The following TYW5 variants were observed in gnomAD, a reference collection of about 807,000 sequenced individuals.
TYW5 encodes tRNA-yW synthesizing protein 5.
In TYW5, 36 loss-of-function variants were observed where a neutral mutation model predicts 44.4. That is an observed-to-expected ratio of 0.81 (90% CI 0.62 to 1.07). The LOEUF is 1.07. Ranked by LOEUF, TYW5 falls within the 50% of genes least tolerant of loss-of-function variation. TYW5 has a pLI of 0.00. For synonymous variants in TYW5, 121 were observed against 128.1 expected (o/e 0.94, Z 0.37); for missense variants, 354 against 365.7 (o/e 0.97, Z 0.26).
intron 1 of TYW5, among the ~76,000 whole-genome samples, chr2:199,953,580 T>C (rs1347210963): frequency 1.3e-5 from 2 of 152,194 alleles, no homozygotes; most frequent in African/African-American, 4.8e-5. Flanking sequence ...TAAATTTCCA[T>C]AGGAATAGGT....
At position 199,932,729 on chromosome 2, in the gene TYW5, T is replaced by A; in HGVS notation, c.*338A>T. 1 of 220,528 alleles carries A rather than the reference T, an allele frequency of 4.5e-6. No individual in the cohort carries two copies. The allele number at this position is 220,528 out of a possible 1,614,324, so 13.7% of individuals were successfully genotyped here. A position where few individuals can be genotyped will look rare whatever the true frequency, so the allele number is the denominator to read the frequency against. The stretch of plus-strand genomic sequence containing the variant: ...AAAGGGGGTGGGGTGTGGAGGCGGG[T>A]TCCCAAGGTTCTTGATGACATTACT... On this transcript the variant is annotated 3_prime_UTR_variant, in exon 8 of 8. Coordinates refer to ENST00000354611, the MANE Select transcript of TYW5 (RefSeq NM_001039693.3).
intron 1 of TYW5, among the ~76,000 whole-genome samples, chr2:199,954,647 A>G (rs577250017): frequency 6.7e-6 from 1 of 150,338 alleles, no homozygotes; most frequent in South Asian, 2.1e-4. Context: ...CTGGTCTTGA[A>G]CTCCTGACCT....
In TYW5 at chr2:199,931,311, ACAAT is replaced by A. The variant is rs2077375926; in HGVS notation, c.*1752_*1755del. On this transcript the variant is annotated 3_prime_UTR_variant, in exon 8 of 8. Transcript: ENST00000354611. ...GTCATCCAGTTTGCTTCTCCATTAAACAATCAATTAAGATGACTATTCAGTGCAC... is the reference window on the plus strand; with the variant it reads ...GTCATCCAGTTTGCTTCTCCATTAAACAATTAAGATGACTATTCAGTGCAC... The A allele has an allele frequency of 6.7e-6, 1 of 149,126 alleles. No homozygotes were observed. 9.2% of individuals were successfully genotyped at this position (149,126 alleles called of 1,614,324 possible). A position where few individuals can be genotyped will look rare whatever the true frequency, so the allele number is the denominator to read the frequency against.
intron 1 of TYW5, among the ~76,000 whole-genome samples, chr2:199,954,585 C>G (rs2077578327): frequency 6.6e-6 from 1 of 152,114 alleles, no homozygotes; most frequent in African/African-American, 2.4e-5. Context: ...GTATGGGCCA[C>G]CACCATGCCC....
Position 199,933,253 on chromosome 2 carries a change from T to A in TYW5, c.762A>T (p.Pro254=). 1 of 1,614,092 alleles carries A rather than the reference T, an allele frequency of 6.2e-7. No individual in the cohort carries two copies. Among genetic ancestry groups the A allele is most frequent in the Non-Finnish European group, 8.5e-7 (1 of 1,179,978 alleles). ...TATCTGTTTTATCATAGCATTCAGATGGAAGGTGCTTCCAAAAGATATTCA... is the reference window on the plus strand; with the variant it reads ...TATCTGTTTTATCATAGCATTCAGAAGGAAGGTGCTTCCAAAAGATATTCA... ...VGVNIFWKHL[P]SECYDKTDTY... Residue 254 remains proline (P), a synonymous_variant, in exon 8 of 8, where the codon CCA becomes CCT. Transcript: ENST00000354611.
intron 4 of TYW5, 126 bp downstream of exon 4, chr2:199,939,963 G>A (rs2077451182): frequency 1.1e-6 from 1 of 912,912 alleles, no homozygotes; most frequent in Non-Finnish European, 1.7e-6. Context: ...AAATCACTGA[G>A]AGAAGAATGG....
chr2:199,944,405 T>G (rs2077489048), intron 2 of TYW5: 1 of 152,368 alleles, frequency 6.6e-6, no homozygotes, highest in African/African-American at 2.4e-5. Context: ...TCAAGGAGAA[T>G]TCCAGTGAAG....
rs1019136085 is a variant in TYW5 at position 199,929,200 on chromosome 2, G to A, written c.*3867C>T. Among the ~76,000 whole-genome samples the A allele has an allele frequency of 4.5e-5, 5 of 110,738 alleles. No homozygotes were observed. Among genetic ancestry groups the A allele is most frequent in the Non-Finnish European group, 8.4e-5 (4 of 47,360 alleles). The allele number at this position is 110,738 out of a possible 152,430, so 72.6% of individuals were successfully genotyped here. A position where few individuals can be genotyped will look rare whatever the true frequency, so the allele number is the denominator to read the frequency against. ...GAGACTACATCGTGGGGTTGGGGGA[G>A]GGGGAAGGGATAGCATTAGGAGATA... On this transcript the variant is annotated 3_prime_UTR_variant, in exon 8 of 8. Transcript: ENST00000354611.
At position 199,933,094 on chromosome 2, in the gene TYW5, G is replaced by A. The variant is rs573998368; in HGVS notation, c.921C>T (p.Asp307=). 6.2e-7 allele frequency: 1 copy of A among 1,613,992 alleles called. No individual in the cohort carries two copies. The highest frequency in any genetic ancestry group is 2.2e-5 in the East Asian group (1 of 44,864). Residue 307 remains aspartate (D), a synonymous_variant, in exon 8 of 8, where the codon GAC becomes GAT. Coordinates refer to ENST00000354611, the MANE Select transcript of TYW5 (RefSeq NM_001039693.3). ...YARRMVLHIQ[D]KAYSKNSE is the part of the protein sequence containing the mutation. Reference sequence around the variant, plus strand: ...ACTCAGAGTTCTTGCTGTAGGCTTTGTCTTGAATGTGTAGGACCATTCGTC... The same window carrying A: ...ACTCAGAGTTCTTGCTGTAGGCTTTATCTTGAATGTGTAGGACCATTCGTC...
At chr2:199,939,299 C>A (rs1235118264) in intron 4 of TYW5, among the ~76,000 whole-genome samples, 1 of 152,076 alleles carries the variant, frequency 6.6e-6, no homozygotes, top group Non-Finnish European at 1.5e-5. Flanking sequence ...AGACGGGATT[C>A]CCCATGTTGG....
At position 199,938,409 on chromosome 2, in the gene TYW5, G is replaced by A. The variant is rs528925163; in HGVS notation, c.486+524C>T. Among the ~76,000 whole-genome samples, 26 of 152,198 alleles carry A rather than the reference G, an allele frequency of 1.7e-4. No homozygotes were observed. In the South Asian group the frequency reaches 5.4e-3, roughly 32 times the overall value. On this transcript the variant is annotated intron_variant, in intron 5 of 7. Transcript: ENST00000354611. Reference sequence around the variant, plus strand: ...ACATTTTTGCTGCCCTACAAATACAGCAGATATTTGACATTCTCAAGGCAT... The same window carrying A: ...ACATTTTTGCTGCCCTACAAATACAACAGATATTTGACATTCTCAAGGCAT...
Position 199,943,788 on chromosome 2 carries a change from GT to G in TYW5, c.279del (p.Lys93AsnfsTer36), listed in dbSNP as rs2077483747. 6.2e-7 allele frequency: 1 copy of G among 1,610,504 alleles called. No homozygotes were observed. The highest frequency in any genetic ancestry group is 1.3e-5 in the African/African-American group (1 of 74,674). ...ACCTCTGAAACAAAGAATTCTTTAT[GT>G]TTCTCTTCAGCTGCCCTCTGGACCA... ...DQLVQRAAEE[K>X]HKEFFVSEDE... On this transcript the variant is annotated frameshift_variant, in exon 3 of 8. Coordinates refer to ENST00000354611, the MANE Select transcript of TYW5 (RefSeq NM_001039693.3). LOFTEE classifies it high-confidence loss of function.
At position 199,939,062 on chromosome 2, in the gene TYW5, T is replaced by G. The variant is rs1479584411; in HGVS notation, c.357A>C (p.Ala119=). 1.2e-6 allele frequency: 2 copies of G among 1,602,430 alleles called. No homozygotes were observed. Among genetic ancestry groups the G allele is most frequent in the South Asian group, 1.1e-5 (1 of 89,536 alleles). Residue 119 remains alanine, a synonymous_variant, in exon 5 of 8, where the codon GCA becomes GCC. Coordinates refer to ENST00000354611, the MANE Select transcript of TYW5 (RefSeq NM_001039693.3). ...SLGEDPRKDV[A]DIRKQFPLLK... ...ACAAAGGAAACTGCTTTCTGATATC[T>G]GCAACATCCTGCATTTACAGAAACA...
chr2:199,940,122 G>T lies in TYW5; in HGVS notation c.315C>A (p.Tyr105Ter). The T allele has an allele frequency of 1.2e-6, 2 of 1,612,396 alleles. No homozygotes were observed. The highest frequency in any genetic ancestry group is 1.3e-5 in the African/African-American group (1 of 74,898). ...KEFFVSEDEK[Y>*]YLRSLGEDPR... ...GGTCTTCTCCAAGTGACCGTAAGTAGTATTTCTCATCCTTAAACACCCCAG... is the reference window on the plus strand; with the variant it reads ...GGTCTTCTCCAAGTGACCGTAAGTATTATTTCTCATCCTTAAACACCCCAG... Residue 105 changes from tyrosine to a stop codon, truncating the protein, a stop_gained, in exon 4 of 8, where the codon TAC becomes TAA. Transcript: ENST00000354611. LOFTEE classifies it high-confidence loss of function.
intron 1 of TYW5, among the ~76,000 whole-genome samples, chr2:199,952,973 T>C (rs2077557855): frequency 1.3e-5 from 2 of 152,202 alleles, no homozygotes. Context: ...CCCAAACCCA[T>C]AGAATGTACA....
intron 1 of TYW5, among the ~76,000 whole-genome samples, chr2:199,952,639 G>A (rs1044431673): frequency 2.6e-5 from 4 of 152,114 alleles, no homozygotes; most frequent in African/African-American, 9.7e-5. Context: ...TGCTTACAGT[G>A]TTTCTGGCAT....
rs573527888 is a variant in TYW5 at position 199,936,948 on chromosome 2, T to C, written c.487-456A>G. On this transcript the variant is annotated intron_variant, in intron 5 of 7. Transcript: ENST00000354611. ...TATATGTTCAACCATAATTTCATTA[T>C]AGGTATCTTGATTTTCAAATTATTT... Among the ~76,000 whole-genome samples, 10 of 152,330 alleles carry C rather than the reference T, an allele frequency of 6.6e-5. No homozygotes were observed. In the South Asian group the frequency reaches 1.9e-3, roughly 28 times the overall value.
intron 1 of TYW5, among the ~76,000 whole-genome samples, chr2:199,954,933 T>C (rs140837833): frequency 0.019 from 2,922 of 152,314 alleles, 34 homozygotes; most frequent in Middle Eastern, 0.044. Flanking sequence ...AGTTTTCTTT[T>C]AAAGACCTAA....
At chr2:199,942,886 A>G (rs1449215946) in intron 3 of TYW5, 1 of 143,828 alleles carries the variant, frequency 7.0e-6, no homozygotes, top group Non-Finnish European at 1.5e-5. Flanking sequence ...TTGGACAGTT[A>G]TGCTCTTGTT....
Sources: gnomAD v4.1 joint callset for allele counts (sites outside exome capture counted in the v4.1 genomes callset) on GRCh38, gnomAD v4.1.1 for gene constraint, MANE v1.5 for transcripts, NCBI Gene and HGNC (gene_info 2026-07-23, HGNC 2026-07-21) for gene names.